TNRC6A: variants seen among roughly 807,000 people sequenced by gnomAD.
TNRC6A encodes the protein trinucleotide repeat-containing gene 6A protein.
In TNRC6A, 44 loss-of-function variants were observed where a neutral mutation model predicts 221.2. The ratio of observed to expected loss-of-function variants is 0.20; its 90% confidence interval spans 0.16 to 0.26. TNRC6A has a LOEUF of 0.26. Ranked by LOEUF, TNRC6A falls within the 10% of genes least tolerant of loss-of-function variation. The probability of loss-of-function intolerance (pLI) is 1.00; values close to 1 mark genes in which losing one functional copy is unlikely to be tolerated. For missense variants in TNRC6A, 2,199 were observed against 2,404.4 expected, an observed-to-expected ratio of 0.91 and a Z score of 1.79; for synonymous variants, 847 against 838.5, an observed-to-expected ratio of 1.01 and a Z score of -0.18.
intron 17 of TNRC6A, among the ~76,000 whole-genome samples, chr16:24,808,700 C>G (rs546650855): frequency 1.2e-4 from 18 of 152,294 alleles, no homozygotes; most frequent in African/African-American, 4.3e-4. Context: ...GAATTTAAAA[C>G]AATTTAATTT....
In TNRC6A at chr16:24,656,102, A is replaced by G. The variant is rs929138618; in HGVS notation, n.402+15093A>G. ...AGGCTGCAGTGAGCCATGCACTACC[A>G]CTGCACTCTAGCCAGGGTGACAGAA... On this transcript the variant is annotated intron_variant and non_coding_transcript_variant, in intron 2 of 2. Coordinates refer to the TNRC6A transcript ENST00000566108. Among the ~76,000 whole-genome samples the G allele has an allele frequency of 1.9e-4, 28 of 150,386 alleles. No homozygotes were observed. The East Asian group carries it at 2.9e-3, about 16-fold the overall frequency.
intron 20 of TNRC6A, among the ~76,000 whole-genome samples, chr16:24,818,266 C>T (rs144387463): frequency 6.6e-6 from 1 of 152,176 alleles, no homozygotes; most frequent in Non-Finnish European, 1.5e-5. Context: ...AGACTCGAAC[C>T]TCCTTTTTAG....
chr16:24,776,015 A>C (rs1336146879), intron 4 of TNRC6A, among the ~76,000 whole-genome samples: 2 of 152,178 alleles, frequency 1.3e-5, no homozygotes, highest in Admixed American at 6.5e-5. Flanking sequence ...TAGCTCTGCA[A>C]GGTGTAGGTA....
In TNRC6A at chr16:24,790,728, A is replaced by G. The variant is rs748411948; in HGVS notation, c.2086A>G (p.Arg696Gly). 53 of 1,614,206 alleles carry G rather than the reference A, an allele frequency of 3.3e-5. No homozygotes were observed. Among genetic ancestry groups the G allele is most frequent in the Non-Finnish European group, 4.4e-5 (52 of 1,180,042 alleles). Residue 696 changes from arginine (R) to glycine (G), a missense_variant, in exon 6 of 25, where the codon AGA becomes GGA. Physicochemically the swap from Arg to Gly is moderately radical, Grantham distance 125. This residue lies in a region of TNRC6A where 1,405 missense variants were observed against 1,400.2 expected (regional missense o/e 1.00). Coordinates refer to ENST00000395799, the MANE Select transcript of TNRC6A (RefSeq NM_014494.4). Reference protein sequence around the residue: ...GTGESQSRDRRKIDQHTLLQS... With the variant: ...GTGESQSRDRGKIDQHTLLQS... Reference sequence around the variant, plus strand: ...TGGGGAAAGTCAGAGTAGAGACAGAAGAAAAATTGATCAGCACACATTACT... The same window carrying G: ...TGGGGAAAGTCAGAGTAGAGACAGAGGAAAAATTGATCAGCACACATTACT...
At chr16:24,794,756 AT>A (rs1480615954) in intron 8 of TNRC6A, 37 bp downstream of exon 8, 2 of 1,572,392 alleles carry the variant, frequency 1.3e-6, no homozygotes, top group African/African-American at 1.4e-5. Context: ...GAAACTTTAA[AT>A]TCCAAAGGTA....
intron 1 of TNRC6A, among the ~76,000 whole-genome samples, chr16:24,620,913 G>A (rs1314289715): frequency 2.6e-5 from 4 of 151,588 alleles, no homozygotes; most frequent in Admixed American, 6.6e-5. Context: ...GTGAAACCCC[G>A]TCTCTATTAA....
At chr16:24,743,321 A>G (rs2056931634) in intron 2 of TNRC6A, among the ~76,000 whole-genome samples, 1 of 151,868 alleles carries the variant, frequency 6.6e-6, no homozygotes, top group Non-Finnish European at 1.5e-5. Context: ...CTTTTAATTA[A>G]TTTTTTATTA....
intron 14 of TNRC6A, 85 bp downstream of exon 14, chr16:24,805,236 G>A: frequency 6.5e-7 from 1 of 1,535,816 alleles, no homozygotes; most frequent in East Asian, 2.3e-5. Flanking sequence ...GGCTAACTAA[G>A]CATTATCATA....
At chr16:24,664,443 A>G (rs1470151140) in intron 2 of TNRC6A, among the ~76,000 whole-genome samples, 1 of 145,354 alleles carries the variant, frequency 6.9e-6, no homozygotes, top group Admixed American at 7.0e-5. Flanking sequence ...TGAATATAAT[A>G]AAAATAATAT....
At position 24,805,086 on chromosome 16, in the gene TNRC6A, C is replaced by A. The variant is rs765860553; in HGVS notation, c.4057C>A (p.Gln1353Lys). Residue 1353 changes from glutamine (Q) to lysine (K), a missense_variant, in exon 14 of 25, where the codon CAA (glutamine) becomes AAA (lysine). By Grantham distance (53) the Gln-to-Lys change is moderately conservative (BLOSUM62 1). This residue lies in a region of TNRC6A where 449 missense variants were observed against 579.7 expected (regional missense o/e 0.77). Transcript: ENST00000395799. ...QPRGMQQPPA[Q>K]PLSSSQPNLR... ...CCGGGGCATGCAGCAGCCTCCAGCA[C>A]AACCTCTTAGTTCATCTCAGCCTAA... 1 of 1,614,214 alleles carries A rather than the reference C, an allele frequency of 6.2e-7. No individual in the cohort carries two copies. The highest frequency in any genetic ancestry group is 1.1e-5 in the South Asian group (1 of 91,076).
At chr16:24,675,806 C>A (rs1458579391) in intron 2 of TNRC6A, among the ~76,000 whole-genome samples, 2 of 143,624 alleles carry the variant, frequency 1.4e-5, no homozygotes, top group Admixed American at 7.2e-5. Flanking sequence ...ATGGGAGTAC[C>A]CACATAGGGT....
In TNRC6A at chr16:24,823,646, T is replaced by C; in HGVS notation, c.5728T>C (p.Cys1910Arg). Residue 1910 changes from cysteine to arginine, a missense_variant, in exon 25 of 25, where the codon TGT becomes CGT. Coordinates refer to ENST00000395799, the MANE Select transcript of TNRC6A (RefSeq NM_014494.4). This position sits in a 1 kb window ranked among gnomAD's most constrained non-coding sequence, Gnocchi z 4.3. ...WNGAGLSGTNCGDLHGTSLWG... is the reference protein window; with the variant it reads ...WNGAGLSGTNRGDLHGTSLWG... ...TGGTGCTGGGCTGTCGGGAACTAAC[T>C]GTGGAGACCTTCACGGCACTTCACT... 6.2e-7 allele frequency: 1 copy of C among 1,613,410 alleles called. No individual in the cohort carries two copies. Among genetic ancestry groups the C allele is most frequent in the Non-Finnish European group, 8.5e-7 (1 of 1,179,548 alleles).
chr16:24,691,083 T>C (rs1055317169), intron 2 of TNRC6A, among the ~76,000 whole-genome samples: 1 of 152,040 alleles, frequency 6.6e-6, no homozygotes, highest in African/African-American at 2.4e-5. Flanking sequence ...GTGCTGGGAT[T>C]ACAGGCCTGA....
At chr16:24,799,202 A>G (rs2058282115) in intron 11 of TNRC6A, among the ~76,000 whole-genome samples, 1 of 152,196 alleles carries the variant, frequency 6.6e-6, no homozygotes, top group African/African-American at 2.4e-5. Flanking sequence ...ACAAAATGTC[A>G]GTGCTAGCTG....
intron 4 of TNRC6A, among the ~76,000 whole-genome samples, chr16:24,765,085 C>T (rs1397426988): frequency 6.6e-6 from 1 of 152,144 alleles, no homozygotes; most frequent in East Asian, 1.9e-4. Context: ...AGGGGGACTA[C>T]TGTATACCTA....
Position 24,789,911 on chromosome 16 carries a change from T to G in TNRC6A, c.1269T>G (p.Leu423=), listed in dbSNP as rs560225932. 1 of 1,613,904 alleles carries G rather than the reference T, an allele frequency of 6.2e-7. No homozygotes were observed. Among genetic ancestry groups the G allele is most frequent in the African/African-American group, 1.3e-5 (1 of 75,052 alleles). Residue 423 remains leucine, a synonymous_variant, in exon 6 of 25, where the codon CTT becomes CTG. Coordinates refer to ENST00000395799, the MANE Select transcript of TNRC6A (RefSeq NM_014494.4). ...CTACCCATGGTACCTGGGGAAGCCT[T>G]CAGGAAACTTGTGAATCTGAAGTAA... ...GGSTHGTWGS[L]QETCESEVSG...
chr16:24,676,517 A>C (rs1426879539), intron 2 of TNRC6A, among the ~76,000 whole-genome samples: 1 of 152,132 alleles, frequency 6.6e-6, no homozygotes, highest in Non-Finnish European at 1.5e-5. Context: ...GTGCAATGGC[A>C]TGATCATGGC....
At chr16:24,733,883 G>C (rs2056701752) in intron 2 of TNRC6A, among the ~76,000 whole-genome samples, 1 of 152,202 alleles carries the variant, frequency 6.6e-6, no homozygotes, top group African/African-American at 2.4e-5. Context: ...GTGGCAAAAA[G>C]AGGTGAGTGA....
chr16:24,776,888 T>C (rs771508364), intron 4 of TNRC6A, 45 bp from the exon 5 acceptor site: 3 of 1,575,432 alleles, frequency 1.9e-6, no homozygotes, highest in South Asian at 2.4e-5. Context: ...GGAGGTACAC[T>C]TTACTGGCTA....
Sources: gnomAD v4.1 joint callset for allele counts (sites outside exome capture counted in the v4.1 genomes callset) on GRCh38, gnomAD v4.1.1 for gene constraint, gnomAD v4.1.1 regional missense constraint, Gnocchi (gnomAD v3.1) non-coding constraint, MANE v1.5 for transcripts, NCBI Gene and HGNC (gene_info 2026-07-23, HGNC 2026-07-21) for gene names.